ASB9: variants seen among roughly 807,000 people sequenced by gnomAD.
ASB9 encodes ankyrin repeat and SOCS box protein 9.
Under a neutral mutation model 16.6 loss-of-function variants are expected in ASB9, and 5 were observed. The observed-to-expected ratio is 0.30, with a 90% CI of 0.16 to 0.63. The LOEUF is 0.63. ASB9 is among the 30% of genes least tolerant of loss of function. ASB9 has a pLI of 0.82. For missense variants in ASB9, 216 were observed against 229.4 expected (o/e 0.94, Z 0.38); for synonymous variants, 100 against 86.4 (o/e 1.16, Z -0.87).
chrX:15,258,846 T>C lies in ASB9; in HGVS notation c.174+20A>G, dbSNP rs1335164984. 3 of 1,170,637 alleles carry C rather than the reference T, an allele frequency of 2.6e-6. No individual in the cohort carries two copies. The highest frequency in any genetic ancestry group is 1.8e-5 in the South Asian group (1 of 55,782). ...AATATTTTGATAGGTTTCTTCTGTA[T>C]TGTATTTTCAAAAAGCTACCTGGCT... On this transcript the variant is annotated intron_variant, in intron 2 of 6. Transcript: ENST00000380488.
At chrX:15,258,436 G>A (rs1161406605) in intron 2 of ASB9, among the ~76,000 whole-genome samples, 2 of 111,866 alleles carry the variant, frequency 1.8e-5, no homozygotes, top group Admixed American at 9.5e-5. Flanking sequence ...TACCAAAAAT[G>A]GCTTAAGATA....
chrX:15,259,773 CAT>C (rs1165334087), intron 1 of ASB9, among the ~76,000 whole-genome samples: 1 of 112,483 alleles, frequency 8.9e-6, no homozygotes, highest in Non-Finnish European at 1.9e-5. Context: ...CCACATCTGA[CAT>C]GTGATGGGTT....
rs1925514712 is a variant in ASB9 at position 15,256,142 on chromosome X, TG to T, written c.175-1299del. Among the ~76,000 whole-genome samples, 3 of 110,441 alleles carry T rather than the reference TG, an allele frequency of 2.7e-5. No homozygotes were observed. In the South Asian group the frequency reaches 1.2e-3, roughly 43 times the overall value. ...TTTAAAAGAAATCAAAGGAATATTTTGTGACACGTGAAAATTTTATGAAATT... is the reference window on the plus strand; with the variant it reads ...TTTAAAAGAAATCAAAGGAATATTTTTGACACGTGAAAATTTTATGAAATT... On this transcript the variant is annotated intron_variant, in intron 2 of 6. Coordinates refer to ENST00000380488, the MANE Select transcript of ASB9 (RefSeq NM_001031739.3).
intron 1 of ASB9, among the ~76,000 whole-genome samples, chrX:15,264,201 G>T (rs61500590): frequency 0.059 from 6,528 of 110,657 alleles, 494 homozygotes; most frequent in African/African-American, 0.2. Context: ...TTCTAGATGT[G>T]TCACTCCTAT....
intron 1 of ASB9, among the ~76,000 whole-genome samples, chrX:15,265,897 G>A (rs775395837): frequency 1.4e-4 from 15 of 107,829 alleles, no homozygotes; most frequent in Non-Finnish European, 2.5e-4. Context: ...TCTGCCTCCC[G>A]GGTTCAAGCG....
At chrX:15,257,394 A>C (rs1925657121) in intron 2 of ASB9, among the ~76,000 whole-genome samples, 1 of 110,837 alleles carries the variant, frequency 9.0e-6, no homozygotes, top group African/African-American at 3.3e-5. Flanking sequence ...ACAAGAGTGA[A>C]ACTCCATCTC....
chrX:15,258,254 T>G (rs1602151498), intron 2 of ASB9, among the ~76,000 whole-genome samples: 1 of 112,107 alleles, frequency 8.9e-6, no homozygotes, highest in East Asian at 2.8e-4. Context: ...CATAAACACA[T>G]AAATACTGAA....
chrX:15,267,965 G>A (rs1219343543), intron 1 of ASB9, among the ~76,000 whole-genome samples: 1 of 110,463 alleles, frequency 9.1e-6, no homozygotes, highest in African/African-American at 3.3e-5. Context: ...AGTCTACTCA[G>A]TCAAAGGGAA....
intron 4 of ASB9, among the ~76,000 whole-genome samples, chrX:15,251,029 T>A (rs1047907720): frequency 6.3e-5 from 7 of 111,336 alleles, no homozygotes; most frequent in African/African-American, 2.3e-4. Flanking sequence ...AAATCAGGAG[T>A]GATTTTAACC....
intron 2 of ASB9, among the ~76,000 whole-genome samples, chrX:15,258,445 T>C (rs983335994): frequency 2.7e-5 from 3 of 112,164 alleles, no homozygotes; most frequent in Non-Finnish European, 5.6e-5. Flanking sequence ...TGGCTTAAGA[T>C]AGTGGCTTAG....
chrX:15,262,878 C>T (rs886563438), intron 1 of ASB9, among the ~76,000 whole-genome samples: 4 of 112,369 alleles, frequency 3.6e-5, no homozygotes, highest in Non-Finnish European at 3.8e-5. Context: ...GTGATCCATG[C>T]GCCTCAGCCT....
chrX:15,262,106 G>A (rs191217020), intron 1 of ASB9, among the ~76,000 whole-genome samples: 38 of 99,965 alleles, frequency 3.8e-4, no homozygotes, highest in Middle Eastern at 5.1e-3. Flanking sequence ...ATGTTGTAGC[G>A]TGCATCAGTA....
intron 2 of ASB9, among the ~76,000 whole-genome samples, chrX:15,256,705 G>A (rs1377244108): frequency 2.0e-5 from 2 of 97,745 alleles, no homozygotes; most frequent in East Asian, 6.8e-4. Context: ...TGAACCCCAG[G>A]GGGCGGAGCC....
At chrX:15,248,956 A>T (rs897070781) in intron 5 of ASB9, 21 bp from the exon 6 acceptor site, 1 of 1,141,642 alleles carries the variant, frequency 8.8e-7, no homozygotes. Context: ...ACGAGAACAA[A>T]AAAGAGTCAG....
chrX:15,258,499 G>A (rs985180799), intron 2 of ASB9, among the ~76,000 whole-genome samples: 6 of 111,595 alleles, frequency 5.4e-5, no homozygotes, highest in Non-Finnish European at 9.4e-5. Context: ...CTTATAGGAG[G>A]ACTTCTTACT....
intron 6 of ASB9, among the ~76,000 whole-genome samples, chrX:15,247,239 G>A (rs1924743927): frequency 8.9e-6 from 1 of 111,737 alleles, no homozygotes; most frequent in Non-Finnish European, 1.9e-5. Context: ...CCCCAAAATT[G>A]ACTCATGGAG....
At chrX:15,268,487 G>C (rs867870700) in intron 1 of ASB9, among the ~76,000 whole-genome samples, 81 of 96,949 alleles carry the variant, frequency 8.4e-4, no homozygotes, top group African/African-American at 2.8e-3. Flanking sequence ...GTGCTGTGGC[G>C]AGATCTAGGT....
chrX:15,267,051 G>A (rs1211460237), intron 1 of ASB9, among the ~76,000 whole-genome samples: 1 of 113,856 alleles, frequency 8.8e-6, no homozygotes, highest in Non-Finnish European at 1.9e-5. Context: ...CCGTGCAGAA[G>A]TCAACCAAAT....
chrX:15,267,609 G>C (rs1569162353), intron 1 of ASB9, among the ~76,000 whole-genome samples: 1 of 95,395 alleles, frequency 1.0e-5, no homozygotes, highest in Non-Finnish European at 2.1e-5. Flanking sequence ...TGGGTGTGGT[G>C]GCGGACGCCT....
Sources: allele counts gnomAD v4.1 joint callset (sites outside exome capture counted in the v4.1 genomes callset), GRCh38; gene constraint gnomAD v4.1.1; transcripts MANE v1.5; gene names NCBI Gene and HGNC (gene_info 2026-07-23, HGNC 2026-07-21).